The following MAP3K20 variants were observed in gnomAD, a reference collection of about 807,000 sequenced individuals.
The protein encoded by MAP3K20 is mitogen-activated protein kinase kinase kinase 20.
Under a neutral mutation model 85.7 loss-of-function variants are expected in MAP3K20, and 40 were observed. The ratio of observed to expected loss-of-function variants is 0.47; its 90% CI spans 0.36 to 0.61. MAP3K20 has a LOEUF of 0.61. Ranked by LOEUF, MAP3K20 falls within the 20% of genes least tolerant of loss-of-function variation. The pLI, the probability that MAP3K20 is intolerant of heterozygous loss-of-function variation, is 0.00. For synonymous variants in MAP3K20, 325 were observed against 327.7 expected (o/e 0.99, Z 0.09); for missense variants, 817 against 961.7 (o/e 0.85, Z 1.99).
chr2:173,266,043 C>G lies in MAP3K20; in HGVS notation c.1703-7C>G. On this transcript the variant is annotated splice_polypyrimidine_tract_variant and splice_region_variant and intron_variant, in intron 19 of 19. Transcript: ENST00000375213. ...TTAAAAGATGCTCATTTCCATTTCT[C>G]CCGCAGGTGCTGATTGCCAGTGGTT... is the stretch of plus-strand genomic sequence containing the variant. 6.4e-7 allele frequency: 1 copy of G among 1,553,204 alleles called. No homozygotes were observed. Among genetic ancestry groups the G allele is most frequent in the Non-Finnish European group, 8.7e-7 (1 of 1,145,806 alleles).
intron 7 of MAP3K20, among the ~76,000 whole-genome samples, chr2:173,191,493 G>A (rs753934004): frequency 1.8e-4 from 28 of 152,074 alleles, no homozygotes; most frequent in South Asian, 4.1e-4. Flanking sequence ...ATGTGACTGT[G>A]GACTCTCTCT....
chr2:173,212,106 T>C (rs911654527), intron 10 of MAP3K20: 1 of 152,134 alleles, frequency 6.6e-6, no homozygotes, highest in African/African-American at 2.4e-5. Flanking sequence ...AAAAAGAGAT[T>C]GTGATATTAT....
intron 9 of MAP3K20, among the ~76,000 whole-genome samples, chr2:173,206,105 A>G (rs1209951335): frequency 6.6e-6 from 1 of 152,208 alleles, no homozygotes; most frequent in Non-Finnish European, 1.5e-5. Flanking sequence ...TTTGCCTGAA[A>G]TTATTTGCAT....
At position 173,266,301 on chromosome 2, in the gene MAP3K20, C is replaced by T; in HGVS notation, c.1954C>T (p.Leu652Phe). ...GLTKNFSSLH[L>F]NSRDSGFSSG... The stretch of plus-strand genomic sequence containing the variant: ...GACCAAAAACTTCTCTTCCCTACAT[C>T]TCAACTCTAGGGACAGTGGCTTTTC... The change falls in exon 20 of 20, where the codon CTC becomes TTC. Residue 652 changes from leucine to phenylalanine, a missense_variant. Physicochemically the swap from Leu to Phe is conservative, Grantham distance 22. Around this residue, in one of 4 missense-constraint regions of MAP3K20, gnomAD observed 454 missense variants for 476.9 expected, o/e 0.95. Transcript: ENST00000375213. 2.5e-6 allele frequency: 4 copies of T among 1,614,134 alleles called. No homozygotes were observed. The highest frequency in any genetic ancestry group is 3.4e-6 in the Non-Finnish European group (4 of 1,180,026).
chr2:173,242,116 AAG>A (rs1204859679), intron 16 of MAP3K20, among the ~76,000 whole-genome samples: 3 of 152,168 alleles, frequency 2.0e-5, no homozygotes, highest in African/African-American at 7.2e-5. Flanking sequence ...GTGGTAAAAG[AAG>A]AGAGAAAAAA....
At chr2:173,081,030 TGTCC>T (rs1466837483) in intron 1 of MAP3K20, among the ~76,000 whole-genome samples, 1 of 152,204 alleles carries the variant, frequency 6.6e-6, no homozygotes, top group African/African-American at 2.4e-5. Flanking sequence ...TTCAAGAATT[TGTCC>T]GTATAGCCAC....
chr2:173,163,590 C>T lies in MAP3K20; in HGVS notation c.160-6215C>T, dbSNP rs575387332. 6.0e-4 allele frequency among the ~76,000 whole-genome samples: 92 copies of T among 152,210 alleles called. 2 individuals are homozygous for T. In the South Asian group the frequency reaches 0.018, roughly 30 times the overall value. On this transcript the variant is annotated intron_variant, in intron 2 of 19. Transcript: ENST00000375213. ...TTTCTGCAAAGGACATGATCTTGTT[C>T]TTTTTTATGGCTGCATAGTATTCCA...
intron 2 of MAP3K20, among the ~76,000 whole-genome samples, chr2:173,147,955 A>T (rs530721577): frequency 4.3e-4 from 66 of 152,338 alleles, no homozygotes; most frequent in Middle Eastern, 3.4e-3. Flanking sequence ...AAGGATTTTT[A>T]AAAAAGTTGT....
chr2:173,138,939 G>A (rs572112375), intron 2 of MAP3K20, among the ~76,000 whole-genome samples: 5 of 152,170 alleles, frequency 3.3e-5, no homozygotes, highest in Non-Finnish European at 7.3e-5. Flanking sequence ...TGCGAATTCT[G>A]TATCTGTTTT....
intron 1 of MAP3K20, among the ~76,000 whole-genome samples, chr2:173,081,255 G>A (rs74265827): frequency 0.021 from 3,029 of 144,438 alleles, 54 homozygotes; most frequent in Admixed American, 0.044. Flanking sequence ...TTGAACTCCT[G>A]TGCTCTAGCA....
chr2:173,239,154 C>CTGTGATAAA (rs1684722106), intron 15 of MAP3K20, among the ~76,000 whole-genome samples: 1 of 152,114 alleles, frequency 6.6e-6, no homozygotes, highest in African/African-American at 2.4e-5. Flanking sequence ...GCAAGATGCA[C>CTGTGATAAA]TGTGATAAAT....
intron 19 of MAP3K20, among the ~76,000 whole-genome samples, 197 bp downstream of exon 19, chr2:173,264,092 G>A (rs539643666): frequency 2.9e-4 from 44 of 152,086 alleles, no homozygotes; most frequent in Non-Finnish European, 5.9e-4. Context: ...CAGGAGCATC[G>A]GGATCACCTG....
At chr2:173,134,412 A>AT (rs1559246011) in intron 2 of MAP3K20, among the ~76,000 whole-genome samples, 12 of 5,654 alleles carry the variant, frequency 2.1e-3, no homozygotes, top group Non-Finnish European at 3.4e-3. Context: ...ATATATATAT[A>AT]TATATATATA....
Position 173,134,428 on chromosome 2 carries a change from A to ATTTTTTTTTTTT in MAP3K20, c.160-35369_160-35358dup, listed in dbSNP as rs1274644433. 4.8e-3 allele frequency among the ~76,000 whole-genome samples: 15 copies of ATTTTTTTTTTTT among 3,154 alleles called. 2 individuals are homozygous for ATTTTTTTTTTTT. Among genetic ancestry groups the ATTTTTTTTTTTT allele is most frequent in the Admixed American group, 6.0e-3 (1 of 168 alleles). 2.1% of individuals were successfully genotyped at this position (3,154 alleles called of 152,430 possible). A position where few individuals can be genotyped will look rare whatever the true frequency, so the allele number is the denominator to read the frequency against. The stretch of plus-strand genomic sequence containing the variant: ...TATATATATATATATATATATATAT[A>ATTTTTTTTTTTT]TTTTTTTTTTTTTTTTTTTGCAGAG... On this transcript the variant is annotated intron_variant, in intron 2 of 19. Transcript: ENST00000375213.
intron 2 of MAP3K20, among the ~76,000 whole-genome samples, chr2:173,120,000 T>C (rs1177211862): frequency 1.3e-5 from 2 of 152,264 alleles, no homozygotes; most frequent in South Asian, 2.1e-4. Flanking sequence ...TCTACACATA[T>C]ACACAAAGAA....
intron 3 of MAP3K20, among the ~76,000 whole-genome samples, chr2:173,173,455 C>T (rs1191237236): frequency 2.6e-5 from 4 of 152,080 alleles, no homozygotes; most frequent in East Asian, 1.9e-4. Context: ...ACCTGTTCTG[C>T]GTTAGCCTCT....
At chr2:173,137,872 C>T (rs930801037) in intron 2 of MAP3K20, among the ~76,000 whole-genome samples, 1 of 152,196 alleles carries the variant, frequency 6.6e-6, no homozygotes, top group Admixed American at 6.5e-5. Context: ...TCTACTTGAA[C>T]AATTACCTAG....
chr2:173,209,739 C>T lies in MAP3K20; in HGVS notation c.755C>T (p.Ser252Leu). Reference protein sequence around the residue: ...CWEADAKKRPSFKQIISILES... With the variant: ...CWEADAKKRPLFKQIISILES... ...TTTTCTCTTCTTCAGAAACGGCCAT[C>T]ATTCAAGCAAATCATTTCAATCCTG... Residue 252 changes from serine (S) to leucine (L), a missense_variant, in exon 10 of 20, where the codon TCA becomes TTA. By Grantham distance (145) the Ser-to-Leu change is moderately radical. Around this residue, in one of 4 missense-constraint regions of MAP3K20, gnomAD observed 158 missense variants for 162.0 expected, o/e 0.98. Transcript: ENST00000375213. 1.2e-6 allele frequency: 2 copies of T among 1,606,336 alleles called. No individual in the cohort carries two copies. Among genetic ancestry groups the T allele is most frequent in the Non-Finnish European group, 1.7e-6 (2 of 1,177,178 alleles).
chr2:173,093,484 T>C (rs1319159376), intron 2 of MAP3K20, among the ~76,000 whole-genome samples: 8 of 152,182 alleles, frequency 5.3e-5, no homozygotes, highest in African/African-American at 1.7e-4. Flanking sequence ...GGAAGACTAT[T>C]TACTTTCACT....
Sources: gnomAD v4.1 joint callset for allele counts (sites outside exome capture counted in the v4.1 genomes callset) on GRCh38, gnomAD v4.1.1 for gene constraint, gnomAD v4.1.1 regional missense constraint, MANE v1.5 for transcripts, NCBI Gene and HGNC (gene_info 2026-07-23, HGNC 2026-07-21) for gene names.